ZNF560: variants seen among roughly 807,000 people sequenced by gnomAD.
ZNF560 encodes zinc finger protein 560.
Under a neutral mutation model 81.8 loss-of-function variants are expected in ZNF560, and 54 were observed. The ratio of observed to expected loss-of-function variants is 0.66; its 90% CI spans 0.53 to 0.83. The LOEUF is 0.83. ZNF560 is among the 40% of genes least tolerant of loss of function. The probability of loss-of-function intolerance (pLI) is 0.00; values close to 1 mark genes in which losing one functional copy is unlikely to be tolerated. For synonymous variants in ZNF560, 321 were observed against 317.9 expected (o/e 1.01, Z -0.10); for missense variants, 940 against 932.4 (o/e 1.01, Z -0.11).
chr19:9,464,215 T>TATCATG (rs1332845355), downstream of ZNF560, among the ~76,000 whole-genome samples: 2 of 152,126 alleles, frequency 1.3e-5, no homozygotes, highest in African/African-American at 4.8e-5. Flanking sequence ...CACAGCAGAA[T>TATCATG]ATCATGATCA....
chr19:9,488,962 C>T (rs1011337381), intron 2 of ZNF560, among the ~76,000 whole-genome samples: 6 of 152,132 alleles, frequency 3.9e-5, no homozygotes, highest in African/African-American at 1.4e-4. Flanking sequence ...TGGCTCCTGC[C>T]ATATAAGATG....
At chr19:9,469,603 C>G in intron 8 of ZNF560, 27 bp downstream of exon 8, 1 of 1,606,450 alleles carries the variant, frequency 6.2e-7, no homozygotes, top group Non-Finnish European at 8.5e-7. Context: ...TTCTCATGGA[C>G]CAGGGTTGTT....
chr19:9,481,009 A>C (rs2073280009), intron 2 of ZNF560, among the ~76,000 whole-genome samples: 1 of 150,982 alleles, frequency 6.6e-6, no homozygotes, highest in African/African-American at 2.4e-5. Flanking sequence ...GCTTGAGCCC[A>C]GGAGAGAGAG....
chr19:9,483,544 GC>G (rs1702798139), intron 2 of ZNF560, among the ~76,000 whole-genome samples: 1 of 147,452 alleles, frequency 6.8e-6, no homozygotes, highest in Non-Finnish European at 1.5e-5. Context: ...TGGGGGGTCA[GC>G]CCCCGCCCGG....
chr19:9,504,610 G>A, the ZNF560 span, among the ~76,000 whole-genome samples: 1 of 152,094 alleles, frequency 6.6e-6, no homozygotes, highest in Admixed American at 6.6e-5. Context: ...TTCAAGCTAT[G>A]TCCTTACTGA....
At chr19:9,468,459 T>C (rs537455669) in intron 9 of ZNF560, 125 bp from the exon 10 acceptor site, 42 of 683,690 alleles carry the variant, frequency 6.1e-5, no homozygotes, top group Non-Finnish European at 9.2e-5. Context: ...AGTTTCTACC[T>C]TTTGGATTTC....
At chr19:9,459,869 A>G in the ZNF560 span, among the ~76,000 whole-genome samples, 5 of 152,152 alleles carry the variant, frequency 3.3e-5, no homozygotes, top group Admixed American at 2.6e-4. Flanking sequence ...ATCCTTAGGC[A>G]CAGAGCTTGG....
At chr19:9,468,620 TAC>T (rs2073071767) in intron 9 of ZNF560, among the ~76,000 whole-genome samples, 3 of 152,142 alleles carry the variant, frequency 2.0e-5, no homozygotes, top group Non-Finnish European at 4.4e-5. Flanking sequence ...AAGTCTTAAG[TAC>T]CAAGCTTCAC....
chr19:9,487,991 G>C (rs1271178429), intron 2 of ZNF560, among the ~76,000 whole-genome samples: 1 of 152,188 alleles, frequency 6.6e-6, no homozygotes, highest in Non-Finnish European at 1.5e-5. Flanking sequence ...CACAACTCCT[G>C]TTGAGGCTTG....
chr19:9,454,809 G>A, the ZNF560 span, among the ~76,000 whole-genome samples: 5 of 152,056 alleles, frequency 3.3e-5, no homozygotes, highest in African/African-American at 1.2e-4. Flanking sequence ...TTCCACCTTG[G>A]AAGCTTTTCA....
chr19:9,447,523 A>G, the ZNF560 span, among the ~76,000 whole-genome samples: 1 of 152,136 alleles, frequency 6.6e-6, no homozygotes, highest in African/African-American at 2.4e-5. Flanking sequence ...CATCTTAAGA[A>G]GTAATTAATC....
intron 2 of ZNF560, among the ~76,000 whole-genome samples, chr19:9,494,839 A>G (rs56735001): frequency 0.15 from 22,831 of 152,114 alleles, 2,557 homozygotes; most frequent in African/African-American, 0.31. Flanking sequence ...CCCGGGAGGC[A>G]GAGGTTGTGG....
the ZNF560 span, among the ~76,000 whole-genome samples, chr19:9,449,377 G>T: frequency 6.6e-6 from 1 of 152,080 alleles, no homozygotes; most frequent in African/African-American, 2.4e-5. Context: ...CATGGAAATT[G>T]AACAACTTGC....
chr19:9,458,856 A>G, the ZNF560 span, among the ~76,000 whole-genome samples: 1 of 152,322 alleles, frequency 6.6e-6, no homozygotes, highest in East Asian at 1.9e-4. Flanking sequence ...ATTGGAACCT[A>G]ATTCTCTTTG....
At chr19:9,505,474 C>A in the ZNF560 span, among the ~76,000 whole-genome samples, 1 of 152,152 alleles carries the variant, frequency 6.6e-6, no homozygotes, top group African/African-American at 2.4e-5. Flanking sequence ...TTCATCCATT[C>A]TTCAACAGCA....
At chr19:9,466,058 G>A (rs144717152), downstream of ZNF560, among the ~76,000 whole-genome samples, 467 of 152,020 alleles carry the variant, frequency 3.1e-3, 3 homozygotes, top group African/African-American at 0.011. Flanking sequence ...AGTAAGATGA[G>A]AAGAATGCCA....
At chr19:9,468,372 A>C in intron 9 of ZNF560, 38 bp from the exon 10 acceptor site, 1 of 1,479,130 alleles carries the variant, frequency 6.8e-7, no homozygotes, top group African/African-American at 1.4e-5. Context: ...GAAGCATTTT[A>C]GCAGACTTAT....
At chr19:9,488,299 A>C (rs1383786158) in intron 2 of ZNF560, among the ~76,000 whole-genome samples, 5 of 152,172 alleles carry the variant, frequency 3.3e-5, no homozygotes, top group Admixed American at 3.3e-4. Context: ...AACCAGCAGA[A>C]TCCTGAGCCA....
At chr19:9,486,721 C>T (rs781146701) in intron 2 of ZNF560, among the ~76,000 whole-genome samples, 2 of 142,716 alleles carry the variant, frequency 1.4e-5, no homozygotes, top group Non-Finnish European at 3.0e-5. Context: ...GCCTGGGTAA[C>T]AAGAGTGAGA....
Sources: gnomAD v4.1 joint callset for allele counts (sites outside exome capture counted in the v4.1 genomes callset) on GRCh38, gnomAD v4.1.1 for gene constraint, MANE v1.5 for transcripts, NCBI Gene and HGNC (gene_info 2026-07-23, HGNC 2026-07-21) for gene names.